Variants in GRIK4 observed in about 807,000 individuals in gnomAD.
GRIK4 encodes the protein glutamate ionotropic receptor kainate type subunit 4.
Under a neutral mutation model 104.9 loss-of-function variants are expected in GRIK4, and 40 were observed. The observed-to-expected ratio is 0.38, with a 90% CI of 0.30 to 0.50. The LOEUF (loss-of-function observed/expected upper bound fraction) is 0.50, where lower values mean the gene tolerates loss of function less well. Ranked by LOEUF, GRIK4 falls within the 20% of genes least tolerant of loss-of-function variation. The pLI, the probability that GRIK4 is intolerant of heterozygous loss-of-function variation, is 0.93. For synonymous variants in GRIK4, 485 were observed against 524.9 expected (o/e 0.92, Z 1.04); for missense variants, 1,047 against 1,308.1 (o/e 0.80, Z 3.08).
rs1948134127 is a variant in GRIK4, at chr11:120,550,995, G to A, written c.-159+39108G>A. ...CAGTGAAGGGCATGATCTAATGTGG[G>A]GGTATTCATGGATAACTCAGAACAG... is the stretch of plus-strand genomic sequence containing the variant. On this transcript the variant is annotated intron_variant, in intron 1 of 20. Coordinates refer to ENST00000527524, the MANE Select transcript of GRIK4 (RefSeq NM_014619.5). Among the ~76,000 whole-genome samples the A allele has an allele frequency of 2.0e-5, 3 of 152,116 alleles. No individual in the cohort carries two copies. The South Asian group carries it at 6.2e-4, about 32-fold the overall frequency.
At position 120,513,750 on chromosome 11, in the gene GRIK4, G is replaced by C. The variant is rs1386768234; in HGVS notation, c.-159+1863G>C. The stretch of plus-strand genomic sequence containing the variant: ...TGGACCTGCCACCTGAAACCCAGAG[G>C]CAGCACTGGTCCCTCCGGGTGGGGA... On this transcript the variant is annotated intron_variant, in intron 1 of 20. Transcript: ENST00000527524. This position sits in a 1 kb window ranked among gnomAD's most constrained non-coding sequence, Gnocchi z 4.5. Among the ~76,000 whole-genome samples, 1 of 152,170 alleles carries C rather than the reference G, an allele frequency of 6.6e-6. No homozygotes were observed. Among genetic ancestry groups the C allele is most frequent in the Non-Finnish European group, 1.5e-5 (1 of 68,036 alleles).
At chr11:120,861,269 C>T (rs148346195) in intron 8 of GRIK4, among the ~76,000 whole-genome samples, 2,016 of 151,940 alleles carry the variant, frequency 0.013, 34 homozygotes, top group African/African-American at 0.041. Context: ...CCACCACATC[C>T]GGCTAGTTTT....
intron 8 of GRIK4, among the ~76,000 whole-genome samples, chr11:120,841,518 G>A (rs778863055): frequency 5.3e-5 from 8 of 152,050 alleles, no homozygotes; most frequent in Non-Finnish European, 7.4e-5. Context: ...TTCATTCATC[G>A]ATGGACACGT....
At chr11:120,964,101 C>T (rs1944343064) in intron 18 of GRIK4, among the ~76,000 whole-genome samples, 1 of 152,000 alleles carries the variant, frequency 6.6e-6, no homozygotes, top group Non-Finnish European at 1.5e-5. Context: ...AAGTGATTCT[C>T]ATACCTCAGC....
At chr11:120,931,549 A>G (rs907352795) in intron 13 of GRIK4, among the ~76,000 whole-genome samples, 3 of 152,180 alleles carry the variant, frequency 2.0e-5, no homozygotes, top group Non-Finnish European at 1.5e-5. Flanking sequence ...TCTGAAGCCA[A>G]ATTACGTGGG....
chr11:120,821,081 AG>A (rs1462914506), intron 6 of GRIK4, among the ~76,000 whole-genome samples: 1 of 152,238 alleles, frequency 6.6e-6, no homozygotes, highest in African/African-American at 2.4e-5. Flanking sequence ...CTTAAGCACC[AG>A]GGCCCAAACT....
At chr11:120,544,988 G>C (rs143787158) in intron 1 of GRIK4, among the ~76,000 whole-genome samples, 145 of 152,172 alleles carry the variant, frequency 9.5e-4, no homozygotes, top group Middle Eastern at 3.4e-3. Context: ...TGTGCTGCAG[G>C]GTTCCCGCTT....
intron 3 of GRIK4, among the ~76,000 whole-genome samples, chr11:120,700,580 T>C (rs1437407652): frequency 6.6e-6 from 1 of 152,198 alleles, no homozygotes; most frequent in Admixed American, 6.5e-5. Flanking sequence ...TGCCTCAGCC[T>C]CCTGAGTAGC....
At chr11:120,862,726 C>T (rs3901285) in intron 9 of GRIK4, among the ~76,000 whole-genome samples, 37,559 of 151,968 alleles carry the variant, frequency 0.25, 5,019 homozygotes, top group Admixed American at 0.38. Flanking sequence ...CGGGAGCAAA[C>T]CTTTCCATGG....
At chr11:120,712,047 A>G (rs1468459756) in intron 3 of GRIK4, among the ~76,000 whole-genome samples, 1 of 152,286 alleles carries the variant, frequency 6.6e-6, no homozygotes, top group Non-Finnish European at 1.5e-5. Flanking sequence ...CAAAGCACAC[A>G]AGGTCGCTGC....
intron 3 of GRIK4, among the ~76,000 whole-genome samples, chr11:120,724,872 G>A (rs968063378): frequency 1.3e-5 from 2 of 152,072 alleles, no homozygotes; most frequent in Non-Finnish European, 2.9e-5. Context: ...TTGGTTTGTG[G>A]TATTTGTGTT....
chr11:120,563,192 C>T (rs1948262383), intron 1 of GRIK4, among the ~76,000 whole-genome samples: 1 of 152,178 alleles, frequency 6.6e-6, no homozygotes, highest in Admixed American at 6.5e-5. Context: ...CTAGTATCAG[C>T]CTCTTTGTCC....
intron 11 of GRIK4, among the ~76,000 whole-genome samples, chr11:120,876,269 CCACCACCACTACCACCATCAT>C (rs1243438094): frequency 7.0e-6 from 1 of 141,992 alleles, no homozygotes; most frequent in Non-Finnish European, 1.5e-5. Flanking sequence ...ACCACCATCA[CCACCACCACTACCACCATCAT>C]CACCACCACC....
intron 14 of GRIK4, among the ~76,000 whole-genome samples, chr11:120,946,976 T>G (rs190639814): frequency 6.6e-6 from 1 of 152,218 alleles, no homozygotes; most frequent in Non-Finnish European, 1.5e-5. Context: ...CTTACCATTT[T>G]CCCTCCATAC....
chr11:120,886,394 C>G (rs1176817456), intron 11 of GRIK4, among the ~76,000 whole-genome samples: 1 of 152,152 alleles, frequency 6.6e-6, no homozygotes, highest in African/African-American at 2.4e-5. Context: ...CCTACAAGAA[C>G]CAGTGATATG....
intron 1 of GRIK4, among the ~76,000 whole-genome samples, chr11:120,578,581 T>C (rs1241124940): frequency 6.6e-6 from 1 of 152,184 alleles, no homozygotes; most frequent in Admixed American, 6.5e-5. Context: ...CTCCCTTCCA[T>C]AGAGGGGGAT....
chr11:120,717,968 T>G (rs1053773136), intron 3 of GRIK4, among the ~76,000 whole-genome samples: 4 of 152,162 alleles, frequency 2.6e-5, no homozygotes, highest in Non-Finnish European at 5.9e-5. Flanking sequence ...CTGAGGCGGC[T>G]GTCTGTGGCA....
rs117926183 is a variant in GRIK4 at position 120,774,444 on chromosome 11, G to A, written c.83-28249G>A. Among the ~76,000 whole-genome samples, 1,147 of 152,314 alleles carry A rather than the reference G, an allele frequency of 7.5e-3. 12 individuals carry two copies. The highest frequency in any genetic ancestry group is 0.012 in the Non-Finnish European group (824 of 68,030). On this transcript the variant is annotated intron_variant, in intron 3 of 20. Coordinates refer to ENST00000527524, the MANE Select transcript of GRIK4 (RefSeq NM_014619.5). ...ATCTGCAGGGCAGGCCAGCAGGCTGGAGACCCAAGGAGGATTGCAGGTCAG... is the reference window on the plus strand; with the variant it reads ...ATCTGCAGGGCAGGCCAGCAGGCTGAAGACCCAAGGAGGATTGCAGGTCAG...
chr11:120,880,371 G>T (rs1954933282), intron 11 of GRIK4, among the ~76,000 whole-genome samples: 1 of 152,210 alleles, frequency 6.6e-6, no homozygotes, highest in Non-Finnish European at 1.5e-5. Context: ...CGTCAACCCT[G>T]CAGGAGAGCT....
Sources: gnomAD v4.1 joint callset for allele counts (sites outside exome capture counted in the v4.1 genomes callset) on GRCh38, gnomAD v4.1.1 for gene constraint, Gnocchi (gnomAD v3.1) non-coding constraint, MANE v1.5 for transcripts, NCBI Gene and HGNC (gene_info 2026-07-23, HGNC 2026-07-21) for gene names.